Variants in CCDC141 observed in about 807,000 individuals in gnomAD.
CCDC141 encodes the protein coiled-coil domain containing 141.
CCDC141 carries 168 observed loss-of-function variants against 181.0 expected under a neutral mutation model. The ratio of observed to expected loss-of-function variants is 0.93; its 90% CI spans 0.82 to 1.05. The LOEUF (loss-of-function observed/expected upper bound fraction) is 1.05, where lower values mean the gene tolerates loss of function less well. CCDC141 is among the 50% of genes least tolerant of loss of function. The pLI is 0.00. For synonymous variants in CCDC141, 666 were observed against 642.3 expected (o/e 1.04, Z -0.56); for missense variants, 1,902 against 1,788.5 (o/e 1.06, Z -1.14).
At chr2:178,881,594 G>C (rs1230523162) in intron 11 of CCDC141, among the ~76,000 whole-genome samples, 2 of 152,048 alleles carry the variant, frequency 1.3e-5, no homozygotes, top group East Asian at 3.9e-4. Context: ...GCAAGTGGAA[G>C]GGTTGAAACA....
intron 19 of CCDC141, among the ~76,000 whole-genome samples, chr2:178,854,296 A>T (rs959928235): frequency 1.3e-5 from 2 of 152,150 alleles, no homozygotes; most frequent in African/African-American, 4.8e-5. Flanking sequence ...AGGCCGAGGC[A>T]GGCGGATCAC....
chr2:179,045,742 T>C (rs1483291392), intron 2 of CCDC141, among the ~76,000 whole-genome samples: 1 of 152,142 alleles, frequency 6.6e-6, no homozygotes, highest in Non-Finnish European at 1.5e-5. Flanking sequence ...TGGTTTTGAT[T>C]TGCATTTCTC....
intron 3 of CCDC141, 84 bp from the exon 4 acceptor site, chr2:178,975,249 A>G (rs1691069173): frequency 1.5e-6 from 1 of 656,884 alleles, no homozygotes; most frequent in South Asian, 2.3e-5. Context: ...GATGTTTTTC[A>G]TAAATTAGTA....
intron 2 of CCDC141, among the ~76,000 whole-genome samples, chr2:179,035,798 CACAGCATCATCATATTACTCTAA>C (rs1307862346): frequency 6.6e-6 from 1 of 152,138 alleles, no homozygotes; most frequent in African/African-American, 2.4e-5. Flanking sequence ...CAGAATATGG[CACAGCATCATCATATTACTCTAA>C]ACAGTCACAG....
intron 6 of CCDC141, among the ~76,000 whole-genome samples, chr2:178,937,420 C>T (rs1171358415): frequency 6.6e-6 from 1 of 152,096 alleles, no homozygotes; most frequent in Non-Finnish European, 1.5e-5. Flanking sequence ...TTGAACCAAC[C>T]TTGTATCCCA....
chr2:178,905,181 G>T, intron 8 of CCDC141, 148 bp downstream of exon 8: 1 of 714,406 alleles, frequency 1.4e-6, no homozygotes, highest in Non-Finnish European at 2.2e-6. Flanking sequence ...AATAGCTGTT[G>T]ATCAAACTTC....
intron 8 of CCDC141, among the ~76,000 whole-genome samples, chr2:178,893,811 ACACACACACACG>A (rs1265043371): frequency 2.2e-5 from 3 of 138,744 alleles, no homozygotes; most frequent in African/African-American, 8.3e-5. Context: ...ACACACACAC[ACACACACACACG>A]CACACACACA....
In CCDC141 at chr2:178,879,265, C is replaced by A. The variant is rs150263730; in HGVS notation, c.1720-1122G>T. ...TCAATAATACTAATGGCTGACAGGA[C>A]CAGACTTAAATAGCTTGTAACTCCC... On this transcript the variant is annotated intron_variant, in intron 11 of 23. Transcript: ENST00000443758. Among the ~76,000 whole-genome samples, 223 of 152,232 alleles carry A rather than the reference C, an allele frequency of 1.5e-3. 4 individuals carry two copies. Among genetic ancestry groups the A allele is most frequent in the African/African-American group, 4.9e-3 (203 of 41,538 alleles).
intron 4 of CCDC141, among the ~76,000 whole-genome samples, chr2:178,974,438 T>A (rs1691033776): frequency 6.6e-6 from 1 of 152,214 alleles, no homozygotes; most frequent in Admixed American, 6.5e-5. Context: ...TGCGTTTCCC[T>A]ACTCCACTCC....
chr2:178,942,900 T>C (rs1689579784), intron 6 of CCDC141, among the ~76,000 whole-genome samples: 1 of 152,212 alleles, frequency 6.6e-6, no homozygotes, highest in Non-Finnish European at 1.5e-5. Context: ...AGAATATCTA[T>C]ATGCTTTTTT....
rs71023463 is a variant in CCDC141 at position 178,989,829 on chromosome 2, TAAA to T, written c.226-11157_226-11155del. ...ACACCCACTAGGATAGCTATAATCT[TAAA>T]AAAAAAAAAAAAAAAAAAAAAAGGA... On this transcript the variant is annotated intron_variant, in intron 2 of 23. Transcript: ENST00000443758. Among the ~76,000 whole-genome samples, 254 of 81,380 alleles carry T rather than the reference TAAA, an allele frequency of 3.1e-3. 1 individual carries two copies. Among genetic ancestry groups the T allele is most frequent in the Non-Finnish European group, 4.1e-3 (175 of 42,286 alleles). The allele number at this position is 81,380 out of a possible 152,430, so 53.4% of individuals were successfully genotyped here.
At chr2:178,944,247 G>A (rs1689636287) in intron 6 of CCDC141, among the ~76,000 whole-genome samples, 1 of 152,118 alleles carries the variant, frequency 6.6e-6, no homozygotes, top group African/African-American at 2.4e-5. Flanking sequence ...GGGGTTTTAT[G>A]ATAATTTAGA....
At chr2:178,948,034 C>G (rs1385823421) in intron 5 of CCDC141, among the ~76,000 whole-genome samples, 1 of 151,924 alleles carries the variant, frequency 6.6e-6, no homozygotes, top group Non-Finnish European at 1.5e-5. Context: ...ACCATCTCTA[C>G]TAAAAAATAC....
At chr2:178,909,925 A>G (rs1275385132) in intron 7 of CCDC141, among the ~76,000 whole-genome samples, 5 of 152,176 alleles carry the variant, frequency 3.3e-5, no homozygotes, top group African/African-American at 1.2e-4. Flanking sequence ...TTGGGAAAAA[A>G]GGATATAGGA....
intron 11 of CCDC141, among the ~76,000 whole-genome samples, chr2:178,881,024 A>T (rs1186169171): frequency 6.6e-6 from 1 of 152,204 alleles, no homozygotes; most frequent in Admixed American, 6.5e-5. Flanking sequence ...TGGTGAAGAA[A>T]CCATAGGTAG....
chr2:178,962,508 A>G (rs1221122224), intron 4 of CCDC141, among the ~76,000 whole-genome samples: 2 of 152,084 alleles, frequency 1.3e-5, no homozygotes, highest in Admixed American at 1.3e-4. Context: ...TCTTAATTGT[A>G]TCCTCTCTCC....
rs544004641 is a variant in CCDC141, at chr2:178,986,514, G to A, written c.226-7839C>T. Among the ~76,000 whole-genome samples, 117 of 152,098 alleles carry A rather than the reference G, an allele frequency of 7.7e-4. No homozygotes were observed. In the South Asian group the frequency reaches 9.2e-3, roughly 12 times the overall value. ...ATAAAGGGTATTCAATCAGGAAAAGGGGAAGTCAAATTGTCCCTGTTTGCA... is the reference window on the plus strand; with the variant it reads ...ATAAAGGGTATTCAATCAGGAAAAGAGGAAGTCAAATTGTCCCTGTTTGCA... On this transcript the variant is annotated intron_variant, in intron 2 of 23. Coordinates refer to ENST00000443758, the MANE Select transcript of CCDC141 (RefSeq NM_173648.4).
intron 2 of CCDC141, among the ~76,000 whole-genome samples, chr2:179,009,119 C>T (rs572293822): frequency 6.0e-4 from 92 of 152,316 alleles, no homozygotes; most frequent in African/African-American, 2.1e-3. Context: ...TTTCCTGTTG[C>T]TCAAGCTGTC....
intron 4 of CCDC141, among the ~76,000 whole-genome samples, chr2:178,962,629 TCTTTCTTTC>T (rs1482813116): frequency 7.3e-6 from 1 of 136,486 alleles, no homozygotes; most frequent in African/African-American, 2.9e-5. Context: ...CTTCTTTCCT[TCTTTCTTTC>T]CTTTCCTTCT....
Sources: allele counts gnomAD v4.1 joint callset (sites outside exome capture counted in the v4.1 genomes callset), GRCh38; gene constraint gnomAD v4.1.1; transcripts MANE v1.5; gene names NCBI Gene and HGNC (gene_info 2026-07-23, HGNC 2026-07-21).